The following PKIB variants were observed in gnomAD, a reference collection of about 807,000 sequenced individuals.
The protein encoded by PKIB is cAMP-dependent protein kinase inhibitor beta.
A neutral mutation model predicts 4.5 loss-of-function variants in PKIB; 2 were observed. The observed-to-expected ratio is 0.44, with a 90% CI of 0.18 to 1.39. The LOEUF is 1.39. Ranked by LOEUF, PKIB falls within the 40% of genes most tolerant of loss-of-function variation. PKIB has a pLI of 0.27. For missense variants in PKIB, 94 were observed against 92.6 expected (o/e 1.02, Z -0.06); for synonymous variants, 38 against 36.0 (o/e 1.06, Z -0.20).
rs570844802 is a variant in PKIB, at chr6:122,550,490, G to A, written c.-247-35431G>A. On this transcript the variant is annotated intron_variant, in intron 2 of 6. Coordinates refer to the PKIB transcript ENST00000392491. The stretch of plus-strand genomic sequence containing the variant: ...TTTTAATGTTTTAACATCAATGATA[G>A]CCTTGCTTTTTCATAAATGAAAAAG... Among the ~76,000 whole-genome samples the A allele has an allele frequency of 3.3e-5, 5 of 152,004 alleles. No homozygotes were observed. The South Asian group carries it at 1.0e-3, about 32-fold the overall frequency.
intron 2 of PKIB, among the ~76,000 whole-genome samples, chr6:122,529,790 G>A (rs1368668923): frequency 1.3e-5 from 2 of 152,094 alleles, no homozygotes; most frequent in African/African-American, 2.4e-5. Context: ...TTTCTGCTGA[G>A]AAATCCCCTG....
chr6:122,531,458 C>T (rs1420777627), intron 2 of PKIB: 1 of 152,186 alleles, frequency 6.6e-6, no homozygotes, highest in East Asian at 1.9e-4. Flanking sequence ...ATATCCTAAA[C>T]TGATTTATCA....
chr6:122,538,334 C>A (rs1333866334), intron 2 of PKIB, among the ~76,000 whole-genome samples: 1 of 152,034 alleles, frequency 6.6e-6, no homozygotes, highest in Non-Finnish European at 1.5e-5. Flanking sequence ...AGTCTATAAT[C>A]CATCTTGAAT....
chr6:122,518,290 C>T (rs1201536582), intron 2 of PKIB, among the ~76,000 whole-genome samples: 2 of 152,064 alleles, frequency 1.3e-5, no homozygotes, highest in Non-Finnish European at 2.9e-5. Context: ...GATTACCAAC[C>T]CTGCTTTAAG....
intron 3 of PKIB, among the ~76,000 whole-genome samples, chr6:122,687,782 T>A (rs7739530): frequency 6.6e-6 from 1 of 151,966 alleles, no homozygotes; most frequent in Admixed American, 6.6e-5. Flanking sequence ...TAAAGAAATG[T>A]TACTGATTTT....
intron 2 of PKIB, among the ~76,000 whole-genome samples, chr6:122,568,976 T>C (rs1243781260): frequency 6.6e-6 from 1 of 152,160 alleles, no homozygotes; most frequent in African/African-American, 2.4e-5. Context: ...GCATGGGAGC[T>C]GGGTGAGGCT....
chr6:122,716,444 G>T (rs1286930509), intron 3 of PKIB, among the ~76,000 whole-genome samples: 1 of 152,062 alleles, frequency 6.6e-6, no homozygotes, highest in Non-Finnish European at 1.5e-5. Context: ...GCAGTTAAAA[G>T]TCTAATGGAT....
At chr6:122,501,667 T>A (rs1207782320) in intron 2 of PKIB, among the ~76,000 whole-genome samples, 1 of 152,088 alleles carries the variant, frequency 6.6e-6, no homozygotes, top group Non-Finnish European at 1.5e-5. Context: ...CATGAAACCA[T>A]TTTTCCCTCC....
At chr6:122,577,904 G>A (rs1391664593) in intron 2 of PKIB, among the ~76,000 whole-genome samples, 4 of 141,770 alleles carry the variant, frequency 2.8e-5, no homozygotes, top group Non-Finnish European at 6.1e-5. Context: ...GCAAGACTCC[G>A]TCTCAAAAAA....
At chr6:122,610,990 C>T (rs1298496726) in intron 1 of PKIB, among the ~76,000 whole-genome samples, 3 of 152,372 alleles carry the variant, frequency 2.0e-5, no homozygotes, top group East Asian at 3.9e-4. Flanking sequence ...GCTCGGCCAG[C>T]GTCCGGCTGT....
At chr6:122,679,270 G>A (rs1221146439) in intron 3 of PKIB, among the ~76,000 whole-genome samples, 6 of 152,324 alleles carry the variant, frequency 3.9e-5, no homozygotes. Context: ...CTGAATGGAG[G>A]GTAGTTTATT....
intron 2 of PKIB, among the ~76,000 whole-genome samples, chr6:122,552,198 A>G (rs746359826): frequency 3.3e-5 from 5 of 152,030 alleles, no homozygotes; most frequent in Admixed American, 6.6e-5. Flanking sequence ...TCTTGGTTCC[A>G]ATGTGTTCCT....
intron 2 of PKIB, among the ~76,000 whole-genome samples, chr6:122,511,276 A>T (rs1315438866): frequency 6.6e-6 from 1 of 152,168 alleles, no homozygotes; most frequent in Non-Finnish European, 1.5e-5. Flanking sequence ...CAAGCACAAA[A>T]TTGTTCCACA....
intron 2 of PKIB, among the ~76,000 whole-genome samples, chr6:122,572,577 CAAT>C (rs1773397187): frequency 7.8e-6 from 1 of 128,414 alleles, no homozygotes; most frequent in African/African-American, 2.9e-5. Context: ...AATAGAGAAA[CAAT>C]AACAAAGCAA....
intron 4 of PKIB, 61 bp from the exon 5 acceptor site, chr6:122,725,067 C>A (rs1187411825): frequency 1.1e-5 from 14 of 1,289,820 alleles, no homozygotes; most frequent in African/African-American, 1.5e-5. Flanking sequence ...TGGTTTTATT[C>A]TAACATAATA....
At chr6:122,701,316 G>T in intron 3 of PKIB, 1 of 734,798 alleles carries the variant, frequency 1.4e-6, no homozygotes, top group South Asian at 1.8e-5. Context: ...CTGTATTGCT[G>T]CTCCAAGCAG....
intron 2 of PKIB, among the ~76,000 whole-genome samples, chr6:122,664,323 G>C (rs1261058929): frequency 6.6e-6 from 1 of 152,194 alleles, no homozygotes; most frequent in African/African-American, 2.4e-5. Flanking sequence ...AGCTAGTTAT[G>C]AATGTCATTG....
At chr6:122,580,037 TAAA>T (rs1208853166) in intron 2 of PKIB, among the ~76,000 whole-genome samples, 1 of 152,156 alleles carries the variant, frequency 6.6e-6, no homozygotes, top group Non-Finnish European at 1.5e-5. Context: ...ATTTTTAAAG[TAAA>T]AAATTATGTT....
chr6:122,678,613 C>T (rs17733138), intron 3 of PKIB, among the ~76,000 whole-genome samples: 5,193 of 152,196 alleles, frequency 0.034, 144 homozygotes, highest in Non-Finnish European at 0.05. Context: ...GCTTCTCTGT[C>T]CGAAGAGCAG....
Sources: gnomAD v4.1 joint callset for allele counts (sites outside exome capture counted in the v4.1 genomes callset) on GRCh38, gnomAD v4.1.1 for gene constraint, MANE v1.5 for transcripts, NCBI Gene and HGNC (gene_info 2026-07-23, HGNC 2026-07-21) for gene names.